DACH1: variants seen among roughly 807,000 people sequenced by gnomAD.
DACH1 encodes dachshund family transcription factor 1.
In DACH1, 12 loss-of-function variants were observed where a neutral mutation model predicts 54.2. That is an observed-to-expected ratio of 0.22 (90% confidence interval 0.14 to 0.36). The LOEUF is 0.36. Among genes scored for constraint, DACH1 ranks in the 10% least tolerant of loss-of-function variants. DACH1 has a pLI of 1.00. For missense variants in DACH1, 805 were observed against 929.8 expected, an observed-to-expected ratio of 0.87 and a Z score of 1.75; for synonymous variants, 386 against 366.2, an observed-to-expected ratio of 1.05 and a Z score of -0.62.
intron 1 of DACH1, among the ~76,000 whole-genome samples, chr13:71,814,083 T>C (rs1887821593): frequency 6.6e-6 from 1 of 152,216 alleles, no homozygotes; most frequent in African/African-American, 2.4e-5. Flanking sequence ...TGGCCTTATC[T>C]GTTGGCAGAA....
intron 1 of DACH1, among the ~76,000 whole-genome samples, chr13:71,796,872 G>C (rs929075338): frequency 3.3e-5 from 5 of 151,972 alleles, no homozygotes; most frequent in Non-Finnish European, 7.4e-5. Context: ...TTAGGAAACT[G>C]GTTTCTCTTA....
At chr13:71,844,389 A>G (rs1873083950) in intron 1 of DACH1, among the ~76,000 whole-genome samples, 1 of 152,180 alleles carries the variant, frequency 6.6e-6, no homozygotes, top group Non-Finnish European at 1.5e-5. Flanking sequence ...GAGTAGAAGC[A>G]AAAAACATCA....
chr13:71,692,363 G>T (rs1475776593), intron 1 of DACH1, among the ~76,000 whole-genome samples: 2 of 151,868 alleles, frequency 1.3e-5, no homozygotes, highest in South Asian at 2.1e-4. Context: ...TGTCTGTACT[G>T]TCTGCATATT....
intron 1 of DACH1, among the ~76,000 whole-genome samples, chr13:71,733,621 A>C (rs532558829): frequency 6.6e-6 from 1 of 152,318 alleles, no homozygotes; most frequent in African/African-American, 2.4e-5. Context: ...CCTTAAATAT[A>C]AAAATATGAT....
intron 3 of DACH1, among the ~76,000 whole-genome samples, chr13:71,627,569 T>G (rs2138560623): frequency 6.6e-6 from 1 of 152,120 alleles, no homozygotes; most frequent in East Asian, 1.9e-4. Flanking sequence ...GCCTTGGAGA[T>G]TCTTGGGATT....
intron 1 of DACH1, among the ~76,000 whole-genome samples, chr13:71,863,935 A>G (rs1874523429): frequency 6.6e-6 from 1 of 151,630 alleles, no homozygotes; most frequent in African/African-American, 2.4e-5. Flanking sequence ...TAGGCAGACA[A>G]TTTTATAACA....
chr13:71,448,257 A>G (rs1176487303), intron 10 of DACH1, among the ~76,000 whole-genome samples: 2 of 152,202 alleles, frequency 1.3e-5, no homozygotes, highest in African/African-American at 4.8e-5. Context: ...ATCACATCAC[A>G]TGTCCAGAAA....
At chr13:71,834,647 ATT>A (rs1386221484) in intron 1 of DACH1, among the ~76,000 whole-genome samples, 1 of 151,898 alleles carries the variant, frequency 6.6e-6, no homozygotes, top group Non-Finnish European at 1.5e-5. Context: ...TGTTTGACCA[ATT>A]CTCTCATTTT....
intron 3 of DACH1, among the ~76,000 whole-genome samples, chr13:71,599,010 T>C (rs779271324): frequency 2.0e-5 from 3 of 152,162 alleles, no homozygotes; most frequent in African/African-American, 7.2e-5. Flanking sequence ...TATATTTGGA[T>C]AAATCTCTTA....
At chr13:71,617,927 A>G (rs560386775) in intron 3 of DACH1, among the ~76,000 whole-genome samples, 4 of 152,238 alleles carry the variant, frequency 2.6e-5, no homozygotes, top group African/African-American at 7.2e-5. Flanking sequence ...TCTGCGTTCA[A>G]TGTTACTTGT....
intron 1 of DACH1, among the ~76,000 whole-genome samples, chr13:71,799,556 G>T (rs553134226): frequency 6.6e-6 from 1 of 152,170 alleles, no homozygotes; most frequent in South Asian, 2.1e-4. Flanking sequence ...TATTGTACCA[G>T]ACTATAAAAC....
rs201544658 is a variant in DACH1, at chr13:71,485,547, CTTCA to C, written c.1722+3446_1722+3449del. ...TTACAGGTCTTTTTTTTTCTTTTTA[CTTCA>C]TTCATTATAACTTTTCTTTTCTTCT... On this transcript the variant is annotated intron_variant, in intron 7 of 10. Coordinates refer to ENST00000613252, the MANE Select transcript of DACH1 (RefSeq NM_080759.6). Among the ~76,000 whole-genome samples the C allele has an allele frequency of 1.5e-3, 171 of 116,960 alleles. 1 individual carries two copies. In the East Asian group the frequency reaches 0.033, roughly 23 times the overall value. The allele number at this position is 116,960 out of a possible 152,430, so 76.7% of individuals were successfully genotyped here.
intron 2 of DACH1, among the ~76,000 whole-genome samples, chr13:71,657,404 A>G (rs1879185996): frequency 6.6e-6 from 1 of 151,768 alleles, no homozygotes; most frequent in South Asian, 2.1e-4. Context: ...AGATGGGAGG[A>G]TTGCTAGAGC....
rs574549328 is a variant in DACH1 at position 71,766,840 on chromosome 13, T to TAA, written c.849-84932_849-84931dup. Among the ~76,000 whole-genome samples, 480 of 146,642 alleles carry TAA rather than the reference T, an allele frequency of 3.3e-3. 1 individual carries two copies. The highest frequency in any genetic ancestry group is 4.8e-3 in the Non-Finnish European group (322 of 66,394). On this transcript the variant is annotated intron_variant, in intron 1 of 10. Coordinates refer to ENST00000613252, the MANE Select transcript of DACH1 (RefSeq NM_080759.6). Reference sequence around the variant, plus strand: ...GTCAGTTTCCTCCTGAGAAAAGGCTTAAAAAAAAAAAGCTCTCACTTAATT... The same window carrying TAA: ...GTCAGTTTCCTCCTGAGAAAAGGCTTAAAAAAAAAAAAAGCTCTCACTTAATT...
At chr13:71,481,727 T>C (rs1049374808) in intron 7 of DACH1, among the ~76,000 whole-genome samples, 1 of 152,198 alleles carries the variant, frequency 6.6e-6, no homozygotes, top group African/African-American at 2.4e-5. Flanking sequence ...GTGACAGCTC[T>C]GCTTCAAAAA....
chr13:71,693,469 A>ATT (rs748598587), intron 1 of DACH1, among the ~76,000 whole-genome samples: 3,166 of 119,224 alleles, frequency 0.027, 103 homozygotes, highest in African/African-American at 0.079. Flanking sequence ...CGCCCGGCAA[A>ATT]TTTTTTTTTT....
chr13:71,465,948 A>G (rs1876527707), intron 10 of DACH1, among the ~76,000 whole-genome samples: 1 of 152,172 alleles, frequency 6.6e-6, no homozygotes, highest in African/African-American at 2.4e-5. Context: ...AAGTGGGCAT[A>G]TACTATCATT....
In DACH1 at chr13:71,823,277, A is replaced by G. The variant is rs73503518; in HGVS notation, c.848+42645T>C. On this transcript the variant is annotated intron_variant, in intron 1 of 10. Transcript: ENST00000613252. ...ATCCAGCAATCAGAGTTATTCTATT[A>G]TTAAGACAAAGGAAAGGGTCAATGT... Among the ~76,000 whole-genome samples the G allele has an allele frequency of 6.6e-3, 1,012 of 152,232 alleles. 8 individuals carry two copies. The highest frequency in any genetic ancestry group is 0.023 in the African/African-American group (971 of 41,564).
chr13:71,629,995 T>C (rs1876964472), intron 3 of DACH1, among the ~76,000 whole-genome samples: 1 of 152,092 alleles, frequency 6.6e-6, no homozygotes, highest in African/African-American at 2.4e-5. Context: ...TTCATCTTTC[T>C]CCATATGGTA....
Sources: gnomAD v4.1 joint callset for allele counts (sites outside exome capture counted in the v4.1 genomes callset) on GRCh38, gnomAD v4.1.1 for gene constraint, MANE v1.5 for transcripts, NCBI Gene and HGNC (gene_info 2026-07-23, HGNC 2026-07-21) for gene names.